Variants in ANO6 observed in about 807,000 individuals in gnomAD.
ANO6 encodes anoctamin 6, also known as anoctamin-6.
ANO6 carries 106 observed loss-of-function variants against 117.5 expected under a neutral mutation model. The observed-to-expected ratio is 0.90, with a 90% CI of 0.77 to 1.06. The LOEUF (loss-of-function observed/expected upper bound fraction) is 1.06, where lower values mean the gene tolerates loss of function less well. Among genes scored for constraint, ANO6 ranks in the 50% least tolerant of loss-of-function variants. ANO6 has a pLI of 0.00. For synonymous variants in ANO6, 367 were observed against 385.1 expected (o/e 0.95, Z 0.55); for missense variants, 955 against 1,121.1 (o/e 0.85, Z 2.12).
intron 1 of ANO6, among the ~76,000 whole-genome samples, chr12:45,245,762 A>C (rs978149883): frequency 6.6e-6 from 1 of 152,146 alleles, no homozygotes; most frequent in African/African-American, 2.4e-5. Flanking sequence ...GTAGCTGTTT[A>C]TAGTAGTTAA....
intron 1 of ANO6, among the ~76,000 whole-genome samples, chr12:45,251,219 G>A (rs781130473): frequency 1.3e-5 from 2 of 152,138 alleles, no homozygotes; most frequent in Non-Finnish European, 2.9e-5. Context: ...AGTGTCCTTG[G>A]ATATACACTT....
chr12:45,389,380 T>A (rs987768597), intron 11 of ANO6, among the ~76,000 whole-genome samples: 6 of 152,172 alleles, frequency 3.9e-5, no homozygotes, highest in African/African-American at 1.4e-4. Context: ...AAGCCAAAAC[T>A]TAAACAAAAT....
chr12:45,279,257 T>C (rs969960581), intron 1 of ANO6, among the ~76,000 whole-genome samples: 2 of 152,226 alleles, frequency 1.3e-5, no homozygotes, highest in African/African-American at 2.4e-5. Context: ...GAGCCTGTGC[T>C]GCCAGCCTCT....
chr12:45,392,691 C>T (rs772539322), intron 12 of ANO6, among the ~76,000 whole-genome samples: 11 of 152,186 alleles, frequency 7.2e-5, no homozygotes, highest in Admixed American at 2.6e-4. Flanking sequence ...CTGCAGCCTC[C>T]GCTGGTGATA....
intron 9 of ANO6, among the ~76,000 whole-genome samples, chr12:45,372,131 T>C (rs1268559217): frequency 1.3e-5 from 2 of 151,838 alleles, no homozygotes; most frequent in African/African-American, 4.8e-5. Context: ...ATGAAATGAA[T>C]GAAATGAAAG....
At chr12:45,432,502 T>A (rs1177873703), downstream of ANO6, among the ~76,000 whole-genome samples, 1 of 152,184 alleles carries the variant, frequency 6.6e-6, no homozygotes, top group African/African-American at 2.4e-5. Flanking sequence ...TATGGATTTT[T>A]AAAAATTATA....
chr12:45,273,302 A>G (rs1938447637), intron 1 of ANO6, among the ~76,000 whole-genome samples: 1 of 152,220 alleles, frequency 6.6e-6, no homozygotes, highest in African/African-American at 2.4e-5. Context: ...TACACCTTGA[A>G]TATATTCAAT....
chr12:45,430,275 G>A lies in ANO6; in HGVS notation c.*964G>A, dbSNP rs1036902221. The A allele has an allele frequency of 1.0e-6, 1 of 985,460 alleles. No individual in the cohort carries two copies. The highest frequency in any genetic ancestry group is 4.7e-5 in the South Asian group (1 of 21,280). The allele number at this position is 985,460 out of a possible 1,614,324, so 61.0% of individuals were successfully genotyped here. A position where few individuals can be genotyped will look rare whatever the true frequency, so the allele number is the denominator to read the frequency against. On this transcript the variant is annotated 3_prime_UTR_variant, in exon 20 of 20. Transcript: ENST00000320560. Reference sequence around the variant, plus strand: ...TTATTCATTAGATACAGAAGGTGCAGTATTACACATCACCAGCTGCCTTTG... The same window carrying A: ...TTATTCATTAGATACAGAAGGTGCAATATTACACATCACCAGCTGCCTTTG...
In ANO6 at chr12:45,320,186, C is replaced by T. The variant is rs1022224612; in HGVS notation, c.151-11109C>T. 1.1e-4 allele frequency among the ~76,000 whole-genome samples: 17 copies of T among 152,132 alleles called. No individual in the cohort carries two copies. In the South Asian group the frequency reaches 1.2e-3, roughly 11 times the overall value. On this transcript the variant is annotated intron_variant, in intron 2 of 19. Transcript: ENST00000320560. ...CTTTTGAATGTGTTTGCTCTTGCTTCTCTAGTTCTTTTAATTGTGATGTTA... is the reference window on the plus strand; with the variant it reads ...CTTTTGAATGTGTTTGCTCTTGCTTTTCTAGTTCTTTTAATTGTGATGTTA...
chr12:45,271,855 C>T (rs886486271), intron 1 of ANO6, among the ~76,000 whole-genome samples: 2 of 152,158 alleles, frequency 1.3e-5, no homozygotes, highest in Non-Finnish European at 2.9e-5. Flanking sequence ...GTAGAGTAGA[C>T]CCCAAGATGT....
intron 3 of ANO6, among the ~76,000 whole-genome samples, chr12:45,339,347 A>G (rs1335064855): frequency 6.6e-6 from 1 of 152,110 alleles, no homozygotes; most frequent in Non-Finnish European, 1.5e-5. Context: ...CTTTAAGCAG[A>G]TAAGTTTGGA....
At chr12:45,419,665 A>G (rs1243645591) in intron 17 of ANO6, among the ~76,000 whole-genome samples, 2 of 152,220 alleles carry the variant, frequency 1.3e-5, no homozygotes, top group African/African-American at 4.8e-5. Flanking sequence ...AGCCAAAAAC[A>G]TGTCTACTTT....
chr12:45,264,516 C>G (rs1417866353), intron 1 of ANO6, among the ~76,000 whole-genome samples: 1 of 152,072 alleles, frequency 6.6e-6, no homozygotes, highest in Non-Finnish European at 1.5e-5. Context: ...AAGTAATACA[C>G]CCACCATTGA....
Position 45,391,838 on chromosome 12 carries a change from G to A in ANO6, c.1386+1340G>A, listed in dbSNP as rs151239685. Among the ~76,000 whole-genome samples the A allele has an allele frequency of 6.1e-3, 936 of 152,288 alleles. 14 individuals carry two copies. Among genetic ancestry groups the A allele is most frequent in the African/African-American group, 0.022 (902 of 41,570 alleles). On this transcript the variant is annotated intron_variant, in intron 12 of 19. Coordinates refer to ENST00000320560, the MANE Select transcript of ANO6 (RefSeq NM_001025356.3). ...TGCACCACTGCACTCCAGCCTGGGT[G>A]ACAGAGTGAGACTCTGTCTCAAAAA...
intron 1 of ANO6, among the ~76,000 whole-genome samples, chr12:45,257,846 G>A (rs1320326775): frequency 6.6e-6 from 1 of 152,132 alleles, no homozygotes; most frequent in African/African-American, 2.4e-5. Flanking sequence ...TGCAAACTTT[G>A]CGAAGATTAT....
intron 2 of ANO6, among the ~76,000 whole-genome samples, chr12:45,302,524 A>T (rs1939529116): frequency 6.6e-6 from 1 of 152,156 alleles, no homozygotes; most frequent in Non-Finnish European, 1.5e-5. Context: ...GCTTTCAGTG[A>T]TACAACCTAC....
chr12:45,414,312 G>C (rs1293716652), intron 16 of ANO6, among the ~76,000 whole-genome samples: 1 of 152,038 alleles, frequency 6.6e-6, no homozygotes, highest in South Asian at 2.1e-4. Flanking sequence ...GTTATTCTTG[G>C]TTTCAAAAGT....
At chr12:45,227,755 G>A (rs1947506859) in intron 1 of ANO6, among the ~76,000 whole-genome samples, 1 of 152,006 alleles carries the variant, frequency 6.6e-6, no homozygotes, top group African/African-American at 2.4e-5. Context: ...CTGCTCAATA[G>A]TGGTATTATG....
intron 1 of ANO6, among the ~76,000 whole-genome samples, chr12:45,268,810 G>T (rs950836252): frequency 1.3e-5 from 2 of 152,186 alleles, no homozygotes; most frequent in African/African-American, 2.4e-5. Flanking sequence ...CAGGAAGAAA[G>T]GTCTGTCTGG....
Sources: allele counts gnomAD v4.1 joint callset (sites outside exome capture counted in the v4.1 genomes callset), GRCh38; gene constraint gnomAD v4.1.1; transcripts MANE v1.5; gene names NCBI Gene and HGNC (gene_info 2026-07-23, HGNC 2026-07-21).